The following ANKRD11 variants were observed in gnomAD, a reference collection of about 807,000 sequenced individuals.
The protein encoded by ANKRD11 is ankyrin repeat domain 11, also known as ankyrin repeat domain-containing protein 11.
A neutral mutation model predicts 195.7 loss-of-function variants in ANKRD11; 17 were observed. The ratio of observed to expected loss-of-function variants is 0.09; its 90% CI spans 0.06 to 0.13. ANKRD11 has a LOEUF of 0.13. ANKRD11 is among the 10% of genes least tolerant of loss of function. The pLI is 1.00. For synonymous variants in ANKRD11, 1,953 were observed against 1,528.1 expected (o/e 1.28, Z -6.49); for missense variants, 3,735 against 3,566.1 (o/e 1.05, Z -1.21).
rs758323698 is a variant in ANKRD11, at chr16:89,286,087, G to C, written c.844C>G (p.Leu282Val). 1 of 1,614,242 alleles carries C rather than the reference G, an allele frequency of 6.2e-7. No individual in the cohort carries two copies. Among genetic ancestry groups the C allele is most frequent in the Non-Finnish European group, 8.5e-7 (1 of 1,180,042 alleles). ...KVANSPTMVN[L>V]LLGKGTYTSS... ...GTGTAAGTGCCTTTGCCTAACAGGA[G>C]GTTCACCATCGTGGGGGAGTTGGCC... The change falls in exon 8 of 13, where the codon CTC becomes GTC. Residue 282 changes from leucine to valine, a missense_variant. By Grantham distance (32) the Leu-to-Val change is conservative. Coordinates refer to ENST00000301030, the MANE Select transcript of ANKRD11 (RefSeq NM_013275.6).
chr16:89,377,363 C>T (rs1328999771), intron 2 of ANKRD11, among the ~76,000 whole-genome samples: 1 of 151,780 alleles, frequency 6.6e-6, no homozygotes, highest in Non-Finnish European at 1.5e-5. Flanking sequence ...CTGTCAAACC[C>T]AAAACAATGA....
intron 2 of ANKRD11, among the ~76,000 whole-genome samples, chr16:89,363,983 C>G (rs1041142231): frequency 6.6e-6 from 1 of 152,064 alleles, no homozygotes; most frequent in Admixed American, 6.6e-5. Context: ...CAGCTTGAGC[C>G]CGGGAGTTGG....
chr16:89,472,563 A>C (rs2057123250), intron 1 of ANKRD11, among the ~76,000 whole-genome samples: 1 of 152,176 alleles, frequency 6.6e-6, no homozygotes, highest in Non-Finnish European at 1.5e-5. Context: ...TCTGTCCCCC[A>C]GGCTGGAGGG....
intron 3 of ANKRD11, among the ~76,000 whole-genome samples, chr16:89,307,599 G>A (rs926153030): frequency 1.3e-5 from 2 of 152,050 alleles, no homozygotes; most frequent in African/African-American, 4.8e-5. Flanking sequence ...CGGGCCTCCG[G>A]AGGGTTAACA....
chr16:89,489,810 T>C (rs1244605320), intron 1 of ANKRD11, among the ~76,000 whole-genome samples: 3 of 76,916 alleles, frequency 3.9e-5, no homozygotes, highest in Non-Finnish European at 7.6e-5. Context: ...TGTCCGCCTC[T>C]CACGGCCGCC....
intron 1 of ANKRD11, among the ~76,000 whole-genome samples, chr16:89,452,839 T>C (rs138205047): frequency 6.6e-6 from 1 of 151,232 alleles, no homozygotes; most frequent in Non-Finnish European, 1.5e-5. Flanking sequence ...TAAGAGGTCC[T>C]ATTCCCCTCA....
At chr16:89,432,935 A>G (rs1214507873) in intron 1 of ANKRD11, among the ~76,000 whole-genome samples, 1 of 142,400 alleles carries the variant, frequency 7.0e-6, no homozygotes, top group Non-Finnish European at 1.5e-5. Flanking sequence ...CATGGGTGAC[A>G]GAGACCCTAT....
In ANKRD11 at chr16:89,396,709, C is replaced by T. The variant is rs190769702; in HGVS notation, c.-60+21575G>A. ...GTTGTTGTTGCTGTTGTTTTTGGGACGGAGTTTTACTCTGTCGCCCAGGCT... is the reference window on the plus strand; with the variant it reads ...GTTGTTGTTGCTGTTGTTTTTGGGATGGAGTTTTACTCTGTCGCCCAGGCT... On this transcript the variant is annotated intron_variant, in intron 2 of 12. Transcript: ENST00000301030. 1.2e-4 allele frequency among the ~76,000 whole-genome samples: 19 copies of T among 152,216 alleles called. No individual in the cohort carries two copies. In the East Asian group the frequency reaches 3.1e-3, roughly 25 times the overall value.
Position 89,280,440 on chromosome 16 carries a change from C to T in ANKRD11, c.6102G>A (p.Leu2034=). The T allele has an allele frequency of 6.3e-7, 1 of 1,583,372 alleles. No individual in the cohort carries two copies. The highest frequency in any genetic ancestry group is 8.6e-7 in the Non-Finnish European group (1 of 1,163,358). Reference sequence around the variant, plus strand: ...CGTCCACTCCGTCCTTGACGTCCTCCAGCCCCGGCTCAGCGACGGGCAGAG... The same window carrying T: ...CGTCCACTCCGTCCTTGACGTCCTCTAGCCCCGGCTCAGCGACGGGCAGAG... ...PYALPVAEPG[L]EDVKDGVDAV... is the part of the protein sequence containing the mutation. The change falls in exon 9 of 13, where the codon CTG becomes CTA. Residue 2034 remains leucine, a synonymous_variant. Coordinates refer to ENST00000301030, the MANE Select transcript of ANKRD11 (RefSeq NM_013275.6).
chr16:89,469,449 C>A (rs1287216653), intron 1 of ANKRD11, among the ~76,000 whole-genome samples: 1 of 151,988 alleles, frequency 6.6e-6, no homozygotes, highest in African/African-American at 2.4e-5. Flanking sequence ...TGTCAAACTC[C>A]TAACCTCAGG....
At chr16:89,452,813 TG>T (rs1227853439) in intron 1 of ANKRD11, among the ~76,000 whole-genome samples, 1 of 150,596 alleles carries the variant, frequency 6.6e-6, no homozygotes, top group Admixed American at 6.6e-5. Flanking sequence ...AATACTTTGA[TG>T]GTATCTTTGA....
intron 3 of ANKRD11, among the ~76,000 whole-genome samples, chr16:89,313,759 C>A (rs2036760587): frequency 1.3e-5 from 2 of 152,180 alleles, no homozygotes; most frequent in South Asian, 4.1e-4. Context: ...AATACAGCCT[C>A]TTCTAACAGC....
intron 4 of ANKRD11, among the ~76,000 whole-genome samples, chr16:89,293,245 A>G (rs2035181237): frequency 1.3e-5 from 2 of 152,190 alleles, no homozygotes; most frequent in Admixed American, 1.3e-4. Flanking sequence ...AATCCCCGAG[A>G]TACACAGACT....
At chr16:89,313,267 CAG>C (rs1197928527) in intron 3 of ANKRD11, 15 of 1,271,316 alleles carry the variant, frequency 1.2e-5, no homozygotes, top group Non-Finnish European at 1.4e-5. Flanking sequence ...GTGGGGACGA[CAG>C]GGGACCCATG....
chr16:89,471,179 C>A (rs1175498075), intron 1 of ANKRD11, among the ~76,000 whole-genome samples: 1 of 151,572 alleles, frequency 6.6e-6, no homozygotes, highest in African/African-American at 2.4e-5. Context: ...GAGTGAGACC[C>A]CACCTCTGTT....
chr16:89,344,320 C>T (rs2038837926), intron 2 of ANKRD11, among the ~76,000 whole-genome samples: 1 of 152,138 alleles, frequency 6.6e-6, no homozygotes, highest in African/African-American at 2.4e-5. Flanking sequence ...TTCCACATGG[C>T]AAACAAAGAG....
chr16:89,356,295 G>A (rs918435677), intron 2 of ANKRD11, among the ~76,000 whole-genome samples: 9 of 151,708 alleles, frequency 5.9e-5, no homozygotes, highest in Admixed American at 4.6e-4. Flanking sequence ...GAGTAAAGTG[G>A]AGAATTCCAG....
At chr16:89,423,149 C>A (rs2042580999) in intron 1 of ANKRD11, among the ~76,000 whole-genome samples, 1 of 152,260 alleles carries the variant, frequency 6.6e-6, no homozygotes, top group African/African-American at 2.4e-5. Context: ...TCCCAACACC[C>A]TCAGAGCCCA....
Position 89,305,492 on chromosome 16 carries a change from G to A in ANKRD11, c.88-148C>T, listed in dbSNP as rs1193654955. On this transcript the variant is annotated intron_variant, in intron 3 of 12. Coordinates refer to ENST00000301030, the MANE Select transcript of ANKRD11 (RefSeq NM_013275.6). ...CCCCAGGGCGTGGCTGTGTGAGGCT[G>A]GTCACCGACCGCAGAACCTTCACCC... 7 of 1,165,750 alleles carry A rather than the reference G, an allele frequency of 6.0e-6. 1 individual carries two copies. The Admixed American group carries it at 6.1e-5, about 10-fold the overall frequency. 72.2% of individuals were successfully genotyped at this position (1,165,750 alleles called of 1,614,324 possible).
Sources: gnomAD v4.1 joint callset for allele counts (sites outside exome capture counted in the v4.1 genomes callset) on GRCh38, gnomAD v4.1.1 for gene constraint, MANE v1.5 for transcripts, NCBI Gene and HGNC (gene_info 2026-07-23, HGNC 2026-07-21) for gene names.